Variants in PRXL2A observed in about 807,000 individuals in gnomAD.
PRXL2A encodes the protein peroxiredoxin like 2A.
Under a neutral mutation model 25.6 loss-of-function variants are expected in PRXL2A, and 26 were observed. The observed-to-expected ratio is 1.02, with a 90% CI of 0.74 to 1.41. The LOEUF (loss-of-function observed/expected upper bound fraction) is 1.41, where lower values mean the gene tolerates loss of function less well. Among genes scored for constraint, PRXL2A ranks in the 40% most tolerant of loss-of-function variants. The probability of loss-of-function intolerance (pLI) is 0.00; values close to 1 mark genes in which losing one functional copy is unlikely to be tolerated. For synonymous variants in PRXL2A, 98 were observed against 102.9 expected (o/e 0.95, Z 0.29); for missense variants, 246 against 273.9 (o/e 0.90, Z 0.72).
At chr10:80,414,202 A>T in intron 1 of PRXL2A, among the ~76,000 whole-genome samples, 1 of 152,064 alleles carries the variant, frequency 6.6e-6, no homozygotes, top group East Asian at 1.9e-4. Context: ...CAGAGCTGCC[A>T]CTCTGAGCTG....
chr10:80,414,761 C>T (rs1459198397), intron 1 of PRXL2A, among the ~76,000 whole-genome samples: 1 of 152,180 alleles, frequency 6.6e-6, no homozygotes, highest in Admixed American at 6.5e-5. Context: ...ACAGGATAAT[C>T]TTTGCATCAC....
At chr10:80,430,731 C>G (rs1315306553) in intron 5 of PRXL2A, among the ~76,000 whole-genome samples, 2 of 152,202 alleles carry the variant, frequency 1.3e-5, no homozygotes, top group African/African-American at 4.8e-5. Context: ...ATCCTATGAG[C>G]TCAGCCACCG....
intron 5 of PRXL2A, among the ~76,000 whole-genome samples, chr10:80,428,384 C>T (rs1014094059): frequency 1.3e-5 from 2 of 152,106 alleles, no homozygotes; most frequent in Admixed American, 6.5e-5. Context: ...GGGGGCTGGG[C>T]GCGGTGGCTC....
chr10:80,417,592 C>A (rs927807500), intron 1 of PRXL2A, among the ~76,000 whole-genome samples: 7 of 152,056 alleles, frequency 4.6e-5, no homozygotes, highest in African/African-American at 7.2e-5. Flanking sequence ...TTCAAGACAA[C>A]CATAGCAGCA....
At chr10:80,422,250 G>A (rs563676259) in intron 2 of PRXL2A, among the ~76,000 whole-genome samples, 167 bp from the exon 3 acceptor site, 3 of 152,280 alleles carry the variant, frequency 2.0e-5, no homozygotes, top group Admixed American at 6.5e-5. Flanking sequence ...TGTGTATTCT[G>A]TCTGTCTGTG....
intron 5 of PRXL2A, among the ~76,000 whole-genome samples, chr10:80,429,592 G>GC (rs1845172548): frequency 1.3e-5 from 1 of 79,080 alleles, no homozygotes; most frequent in Non-Finnish European, 2.4e-5. Flanking sequence ...AGCCTCTCCT[G>GC]CCCTGCCCTG....
At chr10:80,421,191 G>A (rs1270369904) in intron 2 of PRXL2A, among the ~76,000 whole-genome samples, 1 of 152,206 alleles carries the variant, frequency 6.6e-6, no homozygotes, top group Non-Finnish European at 1.5e-5. Context: ...GCCCCTCCCT[G>A]TGAAGAAGCT....
chr10:80,424,073 T>C (rs998301840), intron 3 of PRXL2A, among the ~76,000 whole-genome samples: 1 of 152,194 alleles, frequency 6.6e-6, no homozygotes, highest in East Asian at 1.9e-4. Context: ...GCAACAGCTC[T>C]CCCTAATTAT....
intron 2 of PRXL2A, 74 bp downstream of exon 2, chr10:80,420,719 CTCTCTCCTTTT>C: frequency 8.7e-7 from 1 of 1,148,732 alleles, no homozygotes; most frequent in Admixed American, 3.1e-5. Flanking sequence ...TCTTTCTAAA[CTCTCTCCTTTT>C]TTTAATTGAA....
intron 5 of PRXL2A, among the ~76,000 whole-genome samples, chr10:80,431,195 G>T (rs1845246677): frequency 6.6e-6 from 1 of 152,030 alleles, no homozygotes. Flanking sequence ...ACAGCACGCA[G>T]CCTATTAGTA....
At chr10:80,425,603 T>A (rs1484035974) in intron 3 of PRXL2A, among the ~76,000 whole-genome samples, 1 of 152,208 alleles carries the variant, frequency 6.6e-6, no homozygotes. Context: ...AGCGTGTGTC[T>A]GCTGGGCCCT....
chr10:80,408,814 G>T (rs558304313), intron 1 of PRXL2A, among the ~76,000 whole-genome samples, 171 bp downstream of exon 1: 1 of 152,312 alleles, frequency 6.6e-6, no homozygotes, highest in African/African-American at 2.4e-5. Flanking sequence ...CGCAGCGCTG[G>T]CGCTCCCTCC....
chr10:80,429,801 T>TG (rs1845186676), intron 5 of PRXL2A, among the ~76,000 whole-genome samples: 1 of 152,098 alleles, frequency 6.6e-6, no homozygotes, highest in Non-Finnish European at 1.5e-5. Flanking sequence ...TCTGACAACG[T>TG]GGGGTTCCTT....
At chr10:80,408,476 G>A (rs1486769901), upstream of PRXL2A, 1 of 152,422 alleles carries the variant, frequency 6.6e-6, no homozygotes, top group Non-Finnish European at 1.5e-5. Context: ...CCTCCCACGG[G>A]GGGCGGGGCG....
intron 1 of PRXL2A, among the ~76,000 whole-genome samples, chr10:80,417,177 TA>T: frequency 1.3e-5 from 2 of 152,308 alleles, no homozygotes; most frequent in East Asian, 3.9e-4. Context: ...ATAAACAATT[TA>T]AAAGACAAAT....
intron 1 of PRXL2A, among the ~76,000 whole-genome samples, chr10:80,418,151 T>TTATC (rs1844735747): frequency 6.6e-6 from 1 of 152,160 alleles, no homozygotes; most frequent in East Asian, 1.9e-4. Context: ...CCCTTATACC[T>TTATC]GATAGGTAAT....
At position 80,432,232 on chromosome 10, in the gene PRXL2A, A is replaced by AT; in HGVS notation, c.*137dup. The AT allele has an allele frequency of 1.7e-6, 1 of 584,274 alleles. No individual in the cohort carries two copies. The highest frequency in any genetic ancestry group is 3.0e-6 in the Non-Finnish European group (1 of 338,446). The allele number at this position is 584,274 out of a possible 1,614,324, so 36.2% of individuals were successfully genotyped here. A position where few individuals can be genotyped will look rare whatever the true frequency, so the allele number is the denominator to read the frequency against. On this transcript the variant is annotated 3_prime_UTR_variant, in exon 6 of 6. Coordinates refer to ENST00000606162, the MANE Select transcript of PRXL2A (RefSeq NM_032333.5). ...TACTCTCAGTATGGATTATTAATGT[A>AT]TTTTAATATTCTGTTTAGGCCCACT...
Position 80,419,078 on chromosome 10 carries a change from C to T in PRXL2A, c.-2-1388C>T, listed in dbSNP as rs1344296822. Among the ~76,000 whole-genome samples, 5 of 152,144 alleles carry T rather than the reference C, an allele frequency of 3.3e-5. No individual in the cohort carries two copies. In the East Asian group the frequency reaches 7.7e-4, roughly 23 times the overall value. On this transcript the variant is annotated intron_variant, in intron 1 of 5. Coordinates refer to ENST00000606162, the MANE Select transcript of PRXL2A (RefSeq NM_032333.5). ...TCAGCTCACTGCAACCTCCGCCTCC[C>T]GGGTTCAGGCGATTCTCCTCCCTCA...
upstream of PRXL2A, among the ~76,000 whole-genome samples, chr10:80,408,325 T>G (rs2131869250): frequency 6.6e-6 from 1 of 152,200 alleles, no homozygotes; most frequent in East Asian, 1.9e-4. Context: ...GAAGAACGCG[T>G]CGGGGCCTCG....
Sources: allele counts gnomAD v4.1 joint callset (sites outside exome capture counted in the v4.1 genomes callset), GRCh38; gene constraint gnomAD v4.1.1; transcripts MANE v1.5; gene names NCBI Gene and HGNC (gene_info 2026-07-23, HGNC 2026-07-21).